Variants in CTIF observed in about 807,000 individuals in gnomAD.
CTIF encodes the protein cap binding complex dependent translation initiation factor, also known as CBP80/20-dependent translation initiation factor.
Under a neutral mutation model 66.0 loss-of-function variants are expected in CTIF, and 21 were observed. The ratio of observed to expected loss-of-function variants is 0.32; its 90% CI spans 0.23 to 0.46. The LOEUF is 0.46. Among genes scored for constraint, CTIF ranks in the 20% least tolerant of loss-of-function variants. CTIF has a pLI of 1.00. For missense variants in CTIF, 739 were observed against 812.7 expected, an observed-to-expected ratio of 0.91 and a Z score of 1.10; for synonymous variants, 345 against 326.4, an observed-to-expected ratio of 1.06 and a Z score of -0.62.
intron 10 of CTIF, among the ~76,000 whole-genome samples, chr18:48,831,394 A>C (rs926723946): frequency 2.0e-5 from 3 of 152,252 alleles, no homozygotes; most frequent in Non-Finnish European, 4.4e-5. Context: ...GCTTCTAGCA[A>C]AGCTCCCTGG....
At chr18:48,588,115 C>T (rs2089810528) in intron 1 of CTIF, among the ~76,000 whole-genome samples, 1 of 152,182 alleles carries the variant, frequency 6.6e-6, no homozygotes, top group African/African-American at 2.4e-5. Flanking sequence ...ACCTCTGTGC[C>T]TTGTGGGGAG....
At chr18:48,545,134 C>A (rs1040205530) in intron 1 of CTIF, among the ~76,000 whole-genome samples, 1 of 152,094 alleles carries the variant, frequency 6.6e-6, no homozygotes, top group Admixed American at 6.5e-5. Context: ...GAAGGCATGG[C>A]GTGCGCAGGG....
chr18:48,636,770 A>T (rs971787644), intron 3 of CTIF, 85 bp downstream of exon 3: 46 of 1,032,872 alleles, frequency 4.5e-5, no homozygotes, highest in Non-Finnish European at 4.0e-5. Context: ...GTGGCTCCTG[A>T]GGAGTGGTGA....
chr18:48,622,769 C>T (rs75522625), intron 2 of CTIF, among the ~76,000 whole-genome samples: 2,036 of 152,222 alleles, frequency 0.013, 43 homozygotes, highest in African/African-American at 0.047. Context: ...TTTGCAGTCC[C>T]CTGGAAGCCC....
At chr18:48,854,533 C>A (rs533888421) in intron 10 of CTIF, among the ~76,000 whole-genome samples, 1 of 152,316 alleles carries the variant, frequency 6.6e-6, no homozygotes, top group South Asian at 2.1e-4. Context: ...TGCTCTCTGC[C>A]CCTGCTGCTG....
At chr18:48,557,314 G>A (rs1410395092) in intron 1 of CTIF, among the ~76,000 whole-genome samples, 1 of 152,202 alleles carries the variant, frequency 6.6e-6, no homozygotes, top group Non-Finnish European at 1.5e-5. Context: ...GAACCATTTT[G>A]TGCCCCCATT....
intron 1 of CTIF, among the ~76,000 whole-genome samples, chr18:48,585,975 A>C (rs2089758614): frequency 6.6e-6 from 1 of 151,924 alleles, no homozygotes; most frequent in African/African-American, 2.4e-5. Context: ...CTTTGGGTGA[A>C]CTCTTGCTTC....
At chr18:48,685,466 G>T (rs997782287) in intron 6 of CTIF, among the ~76,000 whole-genome samples, 1 of 151,878 alleles carries the variant, frequency 6.6e-6, no homozygotes, top group South Asian at 2.1e-4. Context: ...CAGATGATCC[G>T]CCTGCCTCGA....
intron 10 of CTIF, among the ~76,000 whole-genome samples, chr18:48,834,476 T>A (rs1396327130): frequency 6.6e-6 from 1 of 152,234 alleles, no homozygotes; most frequent in African/African-American, 2.4e-5. Flanking sequence ...CCCTCCCTGA[T>A]CCCGCTGTGT....
chr18:48,823,086 G>A (rs1220202621), intron 10 of CTIF, among the ~76,000 whole-genome samples: 2 of 152,092 alleles, frequency 1.3e-5, no homozygotes, highest in East Asian at 1.9e-4. Context: ...TGTATGGTTT[G>A]CAAATATTTT....
At chr18:48,651,365 CTT>C (rs1181905302) in intron 3 of CTIF, among the ~76,000 whole-genome samples, 2 of 152,162 alleles carry the variant, frequency 1.3e-5, no homozygotes, top group African/African-American at 4.8e-5. Flanking sequence ...ATAAAACAGA[CTT>C]TAAACCAACA....
intron 6 of CTIF, among the ~76,000 whole-genome samples, chr18:48,688,083 C>T (rs2091871478): frequency 6.6e-6 from 1 of 152,196 alleles, no homozygotes; most frequent in Non-Finnish European, 1.5e-5. Flanking sequence ...TAAGGAAAGT[C>T]AAGACAGCTT....
Position 48,761,235 on chromosome 18 carries a change from C to T in CTIF, c.1072-155C>T. On this transcript the variant is annotated intron_variant, in intron 8 of 11. Transcript: ENST00000256413. The surrounding 1 kb of genome is among the most constrained non-coding windows in gnomAD (Gnocchi z 4.2). The stretch of plus-strand genomic sequence containing the variant: ...AAGGAGCTTTTGGCGCATGAGGGGT[C>T]TTTGGTGGAGGTTCCCAGAGGGACC... 1.5e-6 allele frequency: 1 copy of T among 670,514 alleles called. No individual in the cohort carries two copies. Among genetic ancestry groups the T allele is most frequent in the South Asian group, 2.0e-5 (1 of 49,990 alleles). 41.5% of individuals were successfully genotyped at this position (670,514 alleles called of 1,614,324 possible).
At chr18:48,661,858 G>A (rs950336707) in intron 3 of CTIF, 3 of 152,192 alleles carry the variant, frequency 2.0e-5, no homozygotes, top group South Asian at 2.1e-4. Context: ...TGACTTTGCC[G>A]AGGTCACACA....
chr18:48,812,053 C>T (rs1444900021), intron 9 of CTIF, among the ~76,000 whole-genome samples: 3 of 152,214 alleles, frequency 2.0e-5, no homozygotes, highest in Admixed American at 6.5e-5. Context: ...ACCTCCGCCT[C>T]CCGGGATCAA....
rs1015439063 is a variant in CTIF at position 48,860,143 on chromosome 18, A to G, written c.*584A>G. On this transcript the variant is annotated 3_prime_UTR_variant, in exon 12 of 12. Transcript: ENST00000256413. ...TCAGCCATGGCAGAGCTGACGCTCC[A>G]CCTCCCACCTCCAAGTCCTCCTCAC... The G allele has an allele frequency of 5.5e-6, 2 of 362,664 alleles. No individual in the cohort carries two copies. The highest frequency in any genetic ancestry group is 1.1e-5 in the Non-Finnish European group (2 of 181,138). The allele number at this position is 362,664 out of a possible 1,614,324, so 22.5% of individuals were successfully genotyped here. A position where few individuals can be genotyped will look rare whatever the true frequency, so the allele number is the denominator to read the frequency against.
chr18:48,792,703 T>G (rs182706838), intron 9 of CTIF, among the ~76,000 whole-genome samples: 103 of 152,148 alleles, frequency 6.8e-4, no homozygotes, highest in Non-Finnish European at 1.2e-3. Context: ...TGGACGTAGG[T>G]GCAAAAGAAT....
chr18:48,705,630 C>A (rs543840290), intron 6 of CTIF, among the ~76,000 whole-genome samples: 18 of 152,376 alleles, frequency 1.2e-4, no homozygotes, highest in African/African-American at 4.1e-4. Context: ...TGGGGTCACA[C>A]TGTGGTCAGC....
chr18:48,627,578 G>C (rs1238279119), intron 2 of CTIF, among the ~76,000 whole-genome samples: 1 of 151,932 alleles, frequency 6.6e-6, no homozygotes, highest in Non-Finnish European at 1.5e-5. Context: ...AATTAGCTGG[G>C]CATGATGGTG....
Sources: allele counts gnomAD v4.1 joint callset (sites outside exome capture counted in the v4.1 genomes callset), GRCh38; gene constraint gnomAD v4.1.1; non-coding constraint Gnocchi (gnomAD v3.1); transcripts MANE v1.5; gene names NCBI Gene and HGNC (gene_info 2026-07-23, HGNC 2026-07-21).